GALNT13: variants seen among roughly 807,000 people sequenced by gnomAD.
GALNT13 encodes UDP-GalNAc:polypeptide N-acetylgalactosaminyltransferase 13.
A neutral mutation model predicts 64.2 loss-of-function variants in GALNT13; 28 were observed. The ratio of observed to expected loss-of-function variants is 0.44; its 90% CI spans 0.32 to 0.60. GALNT13 has a LOEUF of 0.60. GALNT13 is among the 20% of genes least tolerant of loss of function. The pLI, the probability that GALNT13 is intolerant of heterozygous loss-of-function variation, is 0.05. For missense variants in GALNT13, 577 were observed against 669.8 expected (o/e 0.86, Z 1.53); for synonymous variants, 214 against 224.6 (o/e 0.95, Z 0.42).
rs370826493 is a variant in GALNT13 at position 154,050,797 on chromosome 2, A to G, written c.143-89540A>G. Reference sequence around the variant, plus strand: ...TATTACCTTTTTCTACACACTCACCATCTTCAAAATCAATCAACCTTCACT... The same window carrying G: ...TATTACCTTTTTCTACACACTCACCGTCTTCAAAATCAATCAACCTTCACT... On this transcript the variant is annotated intron_variant, in intron 3 of 12. Transcript: ENST00000392825. Among the ~76,000 whole-genome samples, 4 of 152,286 alleles carry G rather than the reference A, an allele frequency of 2.6e-5. No individual in the cohort carries two copies. In the East Asian group the frequency reaches 7.7e-4, roughly 29 times the overall value.
the GALNT13 span, among the ~76,000 whole-genome samples, chr2:153,509,401 C>T: frequency 6.6e-6 from 1 of 152,234 alleles, no homozygotes; most frequent in Non-Finnish European, 1.5e-5. Context: ...AGCTGGAGTC[C>T]CCGCAGCGGC....
chr2:154,353,529 C>T (rs1448147943), intron 9 of GALNT13, among the ~76,000 whole-genome samples: 2 of 152,154 alleles, frequency 1.3e-5, no homozygotes, highest in Non-Finnish European at 2.9e-5. Context: ...ACTTGTTCAT[C>T]CTACACATCT....
intron 3 of GALNT13, among the ~76,000 whole-genome samples, chr2:153,980,080 A>G (rs745620291): frequency 3.9e-5 from 6 of 152,204 alleles, no homozygotes; most frequent in Non-Finnish European, 8.8e-5. Flanking sequence ...GTAAATGGAT[A>G]ATATGATCTC....
the GALNT13 span, among the ~76,000 whole-genome samples, chr2:153,094,129 G>A: frequency 1.3e-5 from 2 of 151,554 alleles, no homozygotes; most frequent in African/African-American, 4.8e-5. Flanking sequence ...AAAATCTTTT[G>A]TATTGTTTAT....
the GALNT13 span, among the ~76,000 whole-genome samples, chr2:153,574,894 G>C: frequency 1.3e-5 from 2 of 151,892 alleles, no homozygotes; most frequent in Non-Finnish European, 2.9e-5. Flanking sequence ...TAGTTGGTGA[G>C]TTTATGTTTT....
the GALNT13 span, among the ~76,000 whole-genome samples, chr2:153,133,871 TTTTC>T: frequency 2.0e-5 from 3 of 152,224 alleles, no homozygotes; most frequent in African/African-American, 7.2e-5. Flanking sequence ...TTTGTGTTTC[TTTTC>T]TTTCTTCAGA....
intron 4 of GALNT13, among the ~76,000 whole-genome samples, chr2:154,238,427 TAAG>T (rs1689309522): frequency 6.6e-6 from 1 of 152,042 alleles, no homozygotes; most frequent in Non-Finnish European, 1.5e-5. Context: ...ACTCTAGTGA[TAAG>T]AAAGCATTGT....
the GALNT13 span, among the ~76,000 whole-genome samples, chr2:153,845,003 T>A: frequency 6.6e-6 from 1 of 152,194 alleles, no homozygotes; most frequent in African/African-American, 2.4e-5. Context: ...TGTCAGCATT[T>A]TGATCACAAT....
chr2:154,044,383 G>T (rs1368105330), intron 3 of GALNT13, among the ~76,000 whole-genome samples: 2 of 152,232 alleles, frequency 1.3e-5, no homozygotes, highest in Admixed American at 1.3e-4. Context: ...GAGCATTTCA[G>T]ATGGAGGCAC....
chr2:153,809,539 C>T, the GALNT13 span, among the ~76,000 whole-genome samples: 1 of 152,132 alleles, frequency 6.6e-6, no homozygotes, highest in African/African-American at 2.4e-5. Context: ...AACTTTTGAA[C>T]AAACTTTTGC....
At chr2:154,242,592 A>T (rs554948673) in intron 5 of GALNT13, 106 bp from the exon 6 acceptor site, 2 of 692,508 alleles carry the variant, frequency 2.9e-6, no homozygotes, top group South Asian at 1.9e-5. Flanking sequence ...TACTGATAGG[A>T]ATTGGCCACC....
the GALNT13 span, among the ~76,000 whole-genome samples, chr2:153,463,476 C>T: frequency 3.9e-5 from 6 of 151,964 alleles, no homozygotes; most frequent in Admixed American, 6.6e-5. Flanking sequence ...GATGTATCTC[C>T]CTGCCTTGCG....
chr2:153,756,024 A>G, the GALNT13 span, among the ~76,000 whole-genome samples: 2 of 152,240 alleles, frequency 1.3e-5, no homozygotes, highest in African/African-American at 2.4e-5. Context: ...ATATATTCCT[A>G]TAAAAGTCTT....
chr2:153,258,247 A>G, the GALNT13 span, among the ~76,000 whole-genome samples: 1 of 152,220 alleles, frequency 6.6e-6, no homozygotes. Context: ...AATCAGTCCT[A>G]TCATGATTTA....
At chr2:153,583,216 A>T in the GALNT13 span, among the ~76,000 whole-genome samples, 1 of 152,226 alleles carries the variant, frequency 6.6e-6, no homozygotes, top group Non-Finnish European at 1.5e-5. Flanking sequence ...CTTTTAAGCC[A>T]TGAAGAAAGG....
the GALNT13 span, among the ~76,000 whole-genome samples, chr2:153,740,020 A>G: frequency 6.6e-6 from 1 of 151,962 alleles, no homozygotes; most frequent in Non-Finnish European, 1.5e-5. Flanking sequence ...TAGGATATAG[A>G]AGTATTCAAA....
the GALNT13 span, among the ~76,000 whole-genome samples, chr2:153,519,891 C>G: frequency 6.6e-6 from 1 of 152,064 alleles, no homozygotes; most frequent in African/African-American, 2.4e-5. Context: ...CTGGAGTGTT[C>G]TGGACATGTC....
chr2:153,344,292 A>G, the GALNT13 span, among the ~76,000 whole-genome samples: 1 of 152,236 alleles, frequency 6.6e-6, no homozygotes, highest in Non-Finnish European at 1.5e-5. Flanking sequence ...TCAGAAGCAC[A>G]CACTGAATTC....
chr2:153,169,696 A>G, the GALNT13 span, among the ~76,000 whole-genome samples: 3 of 152,292 alleles, frequency 2.0e-5, no homozygotes, highest in Non-Finnish European at 4.4e-5. Context: ...GGAAGACACT[A>G]TACCTGGCAG....
Sources: allele counts gnomAD v4.1 joint callset (sites outside exome capture counted in the v4.1 genomes callset), GRCh38; gene constraint gnomAD v4.1.1; transcripts MANE v1.5; gene names NCBI Gene and HGNC (gene_info 2026-07-23, HGNC 2026-07-21).